The following BECN1 variants were observed in gnomAD, a reference collection of about 807,000 sequenced individuals.
BECN1 encodes beclin-1.
In BECN1, 15 loss-of-function variants were observed where a neutral mutation model predicts 60.1. The ratio of observed to expected loss-of-function variants is 0.25; its 90% CI spans 0.17 to 0.38. The LOEUF (loss-of-function observed/expected upper bound fraction) is 0.38, where lower values mean the gene tolerates loss of function less well. Among genes scored for constraint, BECN1 ranks in the 10% least tolerant of loss-of-function variants. BECN1 has a pLI of 1.00. For missense variants in BECN1, 424 were observed against 548.2 expected (o/e 0.77, Z 2.26); for synonymous variants, 179 against 201.8 (o/e 0.89, Z 0.96).
intron 10 of BECN1, chr17:42,813,692 G>T: frequency 3.5e-6 from 1 of 289,788 alleles, no homozygotes. Flanking sequence ...ATCTCACGGT[G>T]ATTCTTTTCC....
intron 2 of BECN1, among the ~76,000 whole-genome samples, chr17:42,821,157 T>A (rs1360881421): frequency 6.6e-6 from 1 of 152,098 alleles, no homozygotes; most frequent in African/African-American, 2.4e-5. Flanking sequence ...CCTCCCGGGT[T>A]CGAGTGATTC....
intron 11 of BECN1, chr17:42,811,184 G>A (rs2054994992): frequency 2.7e-6 from 1 of 376,366 alleles, no homozygotes; most frequent in Non-Finnish European, 4.7e-6. Context: ...GGTGAGTGAG[G>A]GTTACAGTAC....
chr17:42,815,911 A>G lies in BECN1; in HGVS notation c.827T>C (p.Ile276Thr). The change falls in exon 8 of 12, where the codon ATC becomes ACC. Residue 276 changes from isoleucine (I) to threonine (T), a missense_variant. By Grantham distance (89) the Ile-to-Thr change is moderately conservative (BLOSUM62 -1). Transcript: ENST00000590099. ...KTNVFNATFHIWHSGQFGTIN... is the reference protein window; with the variant it reads ...KTNVFNATFHTWHSGQFGTIN... ...CTCATCCCCTAGCTCTCATTACCAG[A>G]TGTGGAAGGTTGCATTAAAGACGTT... is the stretch of plus-strand genomic sequence containing the variant. 1 of 1,614,184 alleles carries G rather than the reference A, an allele frequency of 6.2e-7. No individual in the cohort carries two copies. The highest frequency in any genetic ancestry group is 8.5e-7 in the Non-Finnish European group (1 of 1,180,032).
Position 42,823,845 on chromosome 17 carries a change from G to T in BECN1, c.33C>A (p.Thr11=). The T allele has an allele frequency of 6.2e-7, 1 of 1,614,068 alleles. No individual in the cohort carries two copies. ...GCTGGCACACGAAGCTCACCTGCAT[G>T]GTGCTGTTGTTGGACGTCTTAGACC... The part of the protein sequence containing the change: MEGSKTSNNS[T]MQVSFVCQRC... Residue 11 remains threonine, a synonymous_variant, in exon 2 of 12, where the codon ACC becomes ACA. Coordinates refer to ENST00000590099, the MANE Select transcript of BECN1 (RefSeq NM_001313998.2).
intron 3 of BECN1, 112 bp downstream of exon 3, chr17:42,820,662 G>C: frequency 9.2e-7 from 1 of 1,089,388 alleles, no homozygotes; most frequent in Non-Finnish European, 1.3e-6. Flanking sequence ...GGGAGCTCTA[G>C]AAGCGCCAAG....
At chr17:42,816,140 GATC>G in intron 7 of BECN1, 86 bp from the exon 8 acceptor site, 2 of 1,360,086 alleles carry the variant, frequency 1.5e-6, no homozygotes, top group Non-Finnish European at 1.0e-6. Context: ...ATTCTTTAGT[GATC>G]ATCGTTACAT....
rs754080310 is a variant in BECN1 at position 42,814,561 on chromosome 17, G to A, written c.943C>T (p.His315Tyr). The change falls in exon 9 of 12, where the codon CAT (histidine) becomes TAT (tyrosine). Residue 315 changes from histidine to tyrosine, a missense_variant. His to Tyr is a moderately conservative substitution (Grantham distance 83). This residue lies in a region of BECN1 where 326 missense variants were observed against 406.2 expected (regional missense o/e 0.80). Transcript: ENST00000590099. ...AGACCCATCTTATTGGCCAGAGCATGGAGCAGCAACACAGTCTGGCCCCAA... is the reference window on the plus strand; with the variant it reads ...AGACCCATCTTATTGGCCAGAGCATAGAGCAGCAACACAGTCTGGCCCCAA... ...AAWGQTVLLL[H>Y]ALANKMGLKF... The A allele has an allele frequency of 6.2e-7, 1 of 1,614,166 alleles. No homozygotes were observed. The highest frequency in any genetic ancestry group is 1.1e-5 in the South Asian group (1 of 91,080).
At chr17:42,821,336 G>C in intron 2 of BECN1, among the ~76,000 whole-genome samples, 1 of 152,136 alleles carries the variant, frequency 6.6e-6, no homozygotes, top group East Asian at 1.9e-4. Flanking sequence ...ATTACAGGCT[G>C]AGTCACCGCG....
intron 4 of BECN1, chr17:42,819,327 T>C (rs1329310612): frequency 1.9e-6 from 1 of 524,254 alleles, no homozygotes; most frequent in African/African-American, 1.9e-5. Context: ...CAATACTTCA[T>C]CATTAAAGCT....
At chr17:42,815,467 T>C (rs2055127313) in intron 8 of BECN1, among the ~76,000 whole-genome samples, 1 of 152,170 alleles carries the variant, frequency 6.6e-6, no homozygotes, top group Non-Finnish European at 1.5e-5. Flanking sequence ...GGGTTTACCA[T>C]CATCACACTG....
intron 11 of BECN1, 73 bp from the exon 12 acceptor site, chr17:42,811,001 C>CATGG: frequency 4.3e-6 from 6 of 1,394,822 alleles, no homozygotes; most frequent in Non-Finnish European, 5.8e-6. Context: ...GGGACTTGAT[C>CATGG]ATGGGACCAT....
rs141323996 is a variant in BECN1 at position 42,824,003 on chromosome 17, T to C, written c.-2-124A>G. The C allele has an allele frequency of 4.0e-6, 5 of 1,263,968 alleles. No individual in the cohort carries two copies. The African/African-American group carries it at 6.0e-5, about 15-fold the overall frequency. 78.3% of individuals were successfully genotyped at this position (1,263,968 alleles called of 1,614,324 possible). A position where few individuals can be genotyped will look rare whatever the true frequency, so the allele number is the denominator to read the frequency against. On this transcript the variant is annotated intron_variant, in intron 1 of 11. Transcript: ENST00000590099. ...AAGTCCCAACCTGCGCCGTTCCCTC[T>C]AGGAATGGTATGATACGGGGAGGAC...
rs77552925 is a variant in BECN1 at position 42,818,223 on chromosome 17, A to T, written c.681T>A (p.Ala227=). ...GATAGAACAGGGTGAGCACTCACTG[A>T]GCTTCCTCCTGATCCAGTCTCTCAG... The part of the protein sequence containing the change: ...AEAERLDQEE[A]QYQREYSEFK... Residue 227 remains alanine (A), a splice_region_variant and synonymous_variant, in exon 7 of 12, where the codon GCT becomes GCA. Transcript: ENST00000590099. 1.8e-3 allele frequency: 2,966 copies of T among 1,613,854 alleles called. 24 individuals carry two copies. In the African/African-American group the frequency reaches 0.027, roughly 15 times the overall value.
chr17:42,811,744 A>T lies in BECN1; in HGVS notation c.1095T>A (p.Phe365Leu). 6.2e-7 allele frequency: 1 copy of T among 1,614,172 alleles called. No individual in the cohort carries two copies. Among genetic ancestry groups the T allele is most frequent in the Non-Finnish European group, 8.5e-7 (1 of 1,180,028 alleles). The change falls in exon 11 of 12, where the codon TTT (phenylalanine) becomes TTA (leucine). Residue 365 changes from phenylalanine (F) to leucine (L), a missense_variant. Physicochemically the swap from Phe to Leu is conservative, Grantham distance 22 (BLOSUM62 0). Transcript: ENST00000590099. The part of the protein sequence containing the change: ...GGLRFFWDNK[F>L]DHAMVAFLDC... The stretch of plus-strand genomic sequence containing the variant: ...CCAGGAAAGCCACCATTGCATGGTC[A>T]AACTTGTTGTCCCAGAAAAACCGCA...
At chr17:42,813,688 C>T (rs1022360330) in intron 10 of BECN1, 7 of 279,714 alleles carry the variant, frequency 2.5e-5, no homozygotes, top group South Asian at 8.9e-5. Context: ...ATCTATCTCA[C>T]GGTGATTCTT....
At chr17:42,813,868 CA>C in intron 10 of BECN1, 79 bp downstream of exon 10, 1 of 1,032,138 alleles carries the variant, frequency 9.7e-7, no homozygotes, top group Non-Finnish European at 1.4e-6. Flanking sequence ...AATTGAATGC[CA>C]ATATCAAAGC....
Position 42,813,978 on chromosome 17 carries a change from T to C in BECN1, c.1011A>G (p.Ser337=), listed in dbSNP as rs1258157476. Reference sequence around the variant, plus strand: ...ATTTGTCTGTCAGAGACTCCAGATATGAATGGTTTCCGTAAGGAACAAGTC... The same window carrying C: ...ATTTGTCTGTCAGAGACTCCAGATACGAATGGTTTCCGTAAGGAACAAGTC... ...RYRLVPYGNH[S]YLESLTDKSK... Residue 337 remains serine, a synonymous_variant, in exon 10 of 12, where the codon TCA becomes TCG. Coordinates refer to ENST00000590099, the MANE Select transcript of BECN1 (RefSeq NM_001313998.2). 1.2e-6 allele frequency: 2 copies of C among 1,606,382 alleles called. No homozygotes were observed. Among genetic ancestry groups the C allele is most frequent in the South Asian group, 1.1e-5 (1 of 90,414 alleles).
chr17:42,811,899 C>T (rs1249870092), intron 10 of BECN1, 102 bp from the exon 11 acceptor site: 2 of 1,407,534 alleles, frequency 1.4e-6, no homozygotes, highest in Non-Finnish European at 1.9e-6. Flanking sequence ...CTGTCTGTAT[C>T]CCACTGGAAA....
chr17:42,817,861 T>A (rs762262216), intron 7 of BECN1, among the ~76,000 whole-genome samples: 1 of 152,120 alleles, frequency 6.6e-6, no homozygotes, highest in Non-Finnish European at 1.5e-5. Flanking sequence ...CATGAAATGT[T>A]TAAGCTTGGA....
Sources: allele counts gnomAD v4.1 joint callset (sites outside exome capture counted in the v4.1 genomes callset), GRCh38; gene constraint gnomAD v4.1.1; regional missense constraint gnomAD v4.1.1; transcripts MANE v1.5; gene names NCBI Gene and HGNC (gene_info 2026-07-23, HGNC 2026-07-21).